GOLIM4: variants seen among roughly 807,000 people sequenced by gnomAD.
GOLIM4 encodes the protein 130 kDa golgi-localized phosphoprotein.
In GOLIM4, 71 loss-of-function variants were observed where a neutral mutation model predicts 107.4. The observed-to-expected ratio is 0.66, with a 90% confidence interval of 0.55 to 0.81. The LOEUF is 0.81. Among genes scored for constraint, GOLIM4 ranks in the 30% least tolerant of loss-of-function variants. The pLI is 0.00. For synonymous variants in GOLIM4, 327 were observed against 294.8 expected, an observed-to-expected ratio of 1.11 and a Z score of -1.12; for missense variants, 830 against 826.1, an observed-to-expected ratio of 1.00 and a Z score of -0.06.
intron 1 of GOLIM4, among the ~76,000 whole-genome samples, chr3:168,049,224 C>T (rs894670474): frequency 3.9e-5 from 6 of 152,106 alleles, no homozygotes; most frequent in South Asian, 2.1e-4. Context: ...AGGCTCCACA[C>T]CTACAGCAAG....
At chr3:168,053,203 G>T (rs1184853458) in intron 1 of GOLIM4, among the ~76,000 whole-genome samples, 2 of 151,996 alleles carry the variant, frequency 1.3e-5, no homozygotes, top group Non-Finnish European at 2.9e-5. Context: ...TTCACTTATG[G>T]GCAAAATGCA....
chr3:168,046,681 CAAAT>C (rs1719323868), intron 3 of GOLIM4, among the ~76,000 whole-genome samples: 1 of 151,872 alleles, frequency 6.6e-6, no homozygotes, highest in Admixed American at 6.6e-5. Context: ...AGACTGCAAA[CAAAT>C]AAATGAAATA....
chr3:168,010,731 T>C lies in GOLIM4; in HGVS notation c.1941+12A>G, dbSNP rs766417729. ...CTCAAGTGCTCAATAGAAATATGTA[T>C]CCCGGTCATACATTTTCATCATTTT... On this transcript the variant is annotated intron_variant, in intron 15 of 15. Transcript: ENST00000470487. 4.5e-5 allele frequency: 71 copies of C among 1,574,080 alleles called. No individual in the cohort carries two copies. The South Asian group carries it at 7.4e-4, about 16-fold the overall frequency.
intron 14 of GOLIM4, among the ~76,000 whole-genome samples, chr3:168,024,042 AGAAG>A (rs1234590492): frequency 6.6e-6 from 1 of 152,204 alleles, no homozygotes; most frequent in Non-Finnish European, 1.5e-5. Flanking sequence ...TGAATTCTTA[AGAAG>A]GAAGAGGCCA....
At chr3:168,090,611 G>A (rs2108297742) in intron 1 of GOLIM4, among the ~76,000 whole-genome samples, 1 of 152,210 alleles carries the variant, frequency 6.6e-6, no homozygotes, top group South Asian at 2.1e-4. Context: ...AACAGTATCA[G>A]GATTTCTCAA....
At chr3:168,040,019 T>G (rs1718892582) in intron 7 of GOLIM4, among the ~76,000 whole-genome samples, 1 of 152,224 alleles carries the variant, frequency 6.6e-6, no homozygotes, top group Non-Finnish European at 1.5e-5. Context: ...GGTTTCCTGA[T>G]GAGCATAGAT....
intron 14 of GOLIM4, among the ~76,000 whole-genome samples, chr3:168,020,208 A>G (rs1017194633): frequency 2.0e-5 from 3 of 152,204 alleles, no homozygotes; most frequent in Admixed American, 1.3e-4. Context: ...TGAAAAATCA[A>G]TGATCCTTAA....
At chr3:168,084,001 T>C (rs1721497792) in intron 1 of GOLIM4, among the ~76,000 whole-genome samples, 1 of 152,200 alleles carries the variant, frequency 6.6e-6, no homozygotes, top group South Asian at 2.1e-4. Flanking sequence ...ATCAATCTCT[T>C]GGATCTCTTG....
At chr3:168,013,221 A>C (rs200003154) in intron 14 of GOLIM4, among the ~76,000 whole-genome samples, 1 of 150,488 alleles carries the variant, frequency 6.6e-6, no homozygotes, top group Non-Finnish European at 1.5e-5. Context: ...GAAAACAAAA[A>C]AAGGCAGGGG....
chr3:168,030,670 T>C (rs2108228901), intron 9 of GOLIM4, among the ~76,000 whole-genome samples: 1 of 152,274 alleles, frequency 6.6e-6, no homozygotes, highest in South Asian at 2.1e-4. Context: ...TGAGATATTA[T>C]CTCACCCCAG....
chr3:168,057,093 C>T (rs780842662), intron 1 of GOLIM4, among the ~76,000 whole-genome samples: 1 of 152,110 alleles, frequency 6.6e-6, no homozygotes, highest in Non-Finnish European at 1.5e-5. Context: ...CTTTCCTGTG[C>T]TGTTCTCATG....
chr3:168,054,959 T>G (rs1030193686), intron 1 of GOLIM4, among the ~76,000 whole-genome samples: 3 of 152,196 alleles, frequency 2.0e-5, no homozygotes, highest in Non-Finnish European at 4.4e-5. Flanking sequence ...TCTCTTCTTT[T>G]GTCTGCTGCC....
At chr3:168,045,210 G>A (rs992317462) in intron 3 of GOLIM4, among the ~76,000 whole-genome samples, 1 of 152,160 alleles carries the variant, frequency 6.6e-6, no homozygotes, top group African/African-American at 2.4e-5. Context: ...CTGAGACACA[G>A]AGTCACCGCG....
intron 2 of GOLIM4, 148 bp downstream of exon 2, chr3:168,048,143 T>G (rs1411966626): frequency 1.5e-5 from 10 of 648,386 alleles, no homozygotes; most frequent in Admixed American, 1.4e-4. Context: ...GCATAATATA[T>G]TACTTGACAT....
chr3:168,041,521 G>A lies in GOLIM4; in HGVS notation c.518-47C>T, dbSNP rs1464894707. ...CACACATAAAGCCTTGAAACTTTCA[G>A]GATTCTGTTTCTATTATTTTCATAT... On this transcript the variant is annotated intron_variant, in intron 5 of 15. Coordinates refer to ENST00000470487, the MANE Select transcript of GOLIM4 (RefSeq NM_014498.5). The A allele has an allele frequency of 3.3e-6, 3 of 900,760 alleles. No individual in the cohort carries two copies. The Admixed American group carries it at 5.8e-5, about 18-fold the overall frequency. 55.8% of individuals were successfully genotyped at this position (900,760 alleles called of 1,614,324 possible).
chr3:168,063,482 A>C (rs1397041271), intron 1 of GOLIM4, among the ~76,000 whole-genome samples: 1 of 152,190 alleles, frequency 6.6e-6, no homozygotes, highest in African/African-American at 2.4e-5. Flanking sequence ...CATACTGGCT[A>C]CAGAAAATGA....
intron 7 of GOLIM4, among the ~76,000 whole-genome samples, chr3:168,039,986 A>G (rs1718889841): frequency 1.3e-5 from 2 of 152,236 alleles, no homozygotes; most frequent in Admixed American, 1.3e-4. Context: ...TAATAATTTT[A>G]TAAAGAAAAG....
rs762356497 is a variant in GOLIM4 at position 168,041,446 on chromosome 3, A to T, written c.546T>A (p.Asn182Lys). 1.3e-6 allele frequency: 2 copies of T among 1,574,980 alleles called. No homozygotes were observed. The highest frequency in any genetic ancestry group is 4.5e-5 in the East Asian group (2 of 44,582). ...KETVYNLREE[N>K]RQLRKAHQDI... ...CTTGGTGTGCTTTCCTTAGTTGTCT[A>T]TTCTCTTCTCTCAAATTGTATACAG... Residue 182 changes from asparagine to lysine, a missense_variant, in exon 6 of 16, where the codon AAT becomes AAA. Transcript: ENST00000470487.
At chr3:168,045,528 CA>C (rs1456911731) in intron 3 of GOLIM4, among the ~76,000 whole-genome samples, 2 of 152,060 alleles carry the variant, frequency 1.3e-5, no homozygotes, top group African/African-American at 4.8e-5. Context: ...CTCCAGGTTC[CA>C]GGGGTATATC....
Sources: allele counts gnomAD v4.1 joint callset (sites outside exome capture counted in the v4.1 genomes callset), GRCh38; gene constraint gnomAD v4.1.1; transcripts MANE v1.5; gene names NCBI Gene and HGNC (gene_info 2026-07-23, HGNC 2026-07-21).